The following PLCB1 variants were observed in gnomAD, a reference collection of about 807,000 sequenced individuals.
PLCB1 encodes phospholipase C beta 1.
In PLCB1, 46 loss-of-function variants were observed where a neutral mutation model predicts 161.8. That is an observed-to-expected ratio of 0.28 (90% CI 0.22 to 0.36). PLCB1 has a LOEUF of 0.36. Among genes scored for constraint, PLCB1 ranks in the 10% least tolerant of loss-of-function variants. The probability of loss-of-function intolerance (pLI) is 1.00; values close to 1 mark genes in which losing one functional copy is unlikely to be tolerated. For synonymous variants in PLCB1, 517 were observed against 503.7 expected (o/e 1.03, Z -0.35); for missense variants, 1,016 against 1,472.5 (o/e 0.69, Z 5.07).
At chr20:8,187,163 C>G (rs2051914728) in intron 2 of PLCB1, among the ~76,000 whole-genome samples, 3 of 152,122 alleles carry the variant, frequency 2.0e-5, no homozygotes. Context: ...TAGTCCTGAT[C>G]ACTATCTTTA....
chr20:8,149,285 G>A (rs190863024), intron 1 of PLCB1, among the ~76,000 whole-genome samples: 1 of 152,122 alleles, frequency 6.6e-6, no homozygotes, highest in African/African-American at 2.4e-5. Flanking sequence ...TTTCAGTTGT[G>A]TAAAGCTATG....
intron 3 of PLCB1, among the ~76,000 whole-genome samples, chr20:8,610,438 A>C: frequency 6.6e-6 from 1 of 152,184 alleles, no homozygotes; most frequent in East Asian, 1.9e-4. Flanking sequence ...AAATGCTGCT[A>C]TGAACTTTCA....
intron 14 of PLCB1, among the ~76,000 whole-genome samples, chr20:8,718,750 T>C (rs1025599931): frequency 3.3e-5 from 5 of 152,140 alleles, no homozygotes; most frequent in Admixed American, 6.6e-5. Flanking sequence ...CTCTGGGAGG[T>C]CATTATTCTG....
intron 3 of PLCB1, among the ~76,000 whole-genome samples, chr20:8,413,325 T>A (rs1979124466): frequency 6.6e-6 from 1 of 152,224 alleles, no homozygotes; most frequent in Non-Finnish European, 1.5e-5. Context: ...AGATGGGGTG[T>A]GCTGCCACAG....
At chr20:8,198,975 C>T (rs2052059837) in intron 2 of PLCB1, among the ~76,000 whole-genome samples, 1 of 151,616 alleles carries the variant, frequency 6.6e-6, no homozygotes, top group Non-Finnish European at 1.5e-5. Flanking sequence ...CACACACGGA[C>T]CCATTACCCA....
chr20:8,656,833 C>A (rs963967158), intron 7 of PLCB1, among the ~76,000 whole-genome samples: 2 of 150,282 alleles, frequency 1.3e-5, no homozygotes, highest in African/African-American at 4.9e-5. Context: ...AACAGACTAT[C>A]TTTCCTAGAT....
intron 10 of PLCB1, among the ~76,000 whole-genome samples, chr20:8,688,572 A>G (rs989870072): frequency 4.6e-5 from 7 of 152,126 alleles, no homozygotes; most frequent in Admixed American, 6.6e-5. Flanking sequence ...TGGCTAGCCA[A>G]TTACCCCAGC....
At chr20:8,399,552 T>G (rs1379962064) in intron 3 of PLCB1, among the ~76,000 whole-genome samples, 2 of 152,170 alleles carry the variant, frequency 1.3e-5, no homozygotes, top group Non-Finnish European at 2.9e-5. Flanking sequence ...ATTCTTATTC[T>G]AGAATAACAA....
chr20:8,493,864 C>T (rs1485775409), intron 3 of PLCB1, among the ~76,000 whole-genome samples: 1 of 137,652 alleles, frequency 7.3e-6, no homozygotes, highest in African/African-American at 3.1e-5. Context: ...TGTGCTATAG[C>T]ATCACTGGAA....
intron 2 of PLCB1, among the ~76,000 whole-genome samples, chr20:8,187,514 G>C (rs770580908): frequency 6.6e-6 from 1 of 152,132 alleles, no homozygotes; most frequent in Non-Finnish European, 1.5e-5. Context: ...CTTTAAGATG[G>C]AGTTTGCCAC....
chr20:8,651,664 A>G, intron 7 of PLCB1: 3 of 558,774 alleles, frequency 5.4e-6, no homozygotes, highest in Non-Finnish European at 9.5e-6. Flanking sequence ...ATGAAACTCA[A>G]GGTTTCAAGG....
At chr20:8,364,144 A>G (rs1225810222) in intron 2 of PLCB1, among the ~76,000 whole-genome samples, 4 of 152,160 alleles carry the variant, frequency 2.6e-5, no homozygotes, top group Admixed American at 6.6e-5. Context: ...TTGGTTCGGT[A>G]TCTTCCTGTA....
chr20:8,740,916 A>G (rs376763613), intron 22 of PLCB1, among the ~76,000 whole-genome samples: 7 of 152,318 alleles, frequency 4.6e-5, no homozygotes, highest in African/African-American at 1.4e-4. Flanking sequence ...GACCATGGTA[A>G]GCTTGGGGCT....
intron 31 of PLCB1, among the ~76,000 whole-genome samples, chr20:8,818,518 A>G (rs1407911479): frequency 6.6e-6 from 1 of 152,244 alleles, no homozygotes. Flanking sequence ...AATGATGTGA[A>G]TAACTATTCA....
At chr20:8,508,708 G>A (rs1188514753) in intron 3 of PLCB1, among the ~76,000 whole-genome samples, 1 of 152,002 alleles carries the variant, frequency 6.6e-6, no homozygotes, top group African/African-American at 2.4e-5. Context: ...TTCTCTAAAA[G>A]CACTTCCACG....
At chr20:8,472,221 G>A (rs913967460) in intron 3 of PLCB1, among the ~76,000 whole-genome samples, 2 of 152,124 alleles carry the variant, frequency 1.3e-5, no homozygotes, top group Admixed American at 6.5e-5. Flanking sequence ...ATTATTGTTT[G>A]CAAATCTTTG....
chr20:8,825,426 G>T (rs1000637784), intron 31 of PLCB1, among the ~76,000 whole-genome samples: 5 of 152,170 alleles, frequency 3.3e-5, no homozygotes, highest in Non-Finnish European at 7.3e-5. Context: ...TATAAGGTCT[G>T]GTAGAGTGAG....
intron 3 of PLCB1, among the ~76,000 whole-genome samples, chr20:8,558,365 A>G (rs1986030533): frequency 6.6e-6 from 1 of 151,758 alleles, no homozygotes; most frequent in South Asian, 2.1e-4. Flanking sequence ...TATATACTCA[A>G]AAAGATAAAT....
intron 11 of PLCB1, among the ~76,000 whole-genome samples, chr20:8,705,546 G>A (rs541505965): frequency 6.6e-6 from 1 of 152,156 alleles, no homozygotes; most frequent in Non-Finnish European, 1.5e-5. Flanking sequence ...AAATCAGTGG[G>A]CAAGGAAAAG....
Sources: allele counts gnomAD v4.1 joint callset (sites outside exome capture counted in the v4.1 genomes callset), GRCh38; gene constraint gnomAD v4.1.1; transcripts MANE v1.5; gene names NCBI Gene and HGNC (gene_info 2026-07-23, HGNC 2026-07-21).